The following PRKN variants were observed in gnomAD, a reference collection of about 807,000 sequenced individuals.
PRKN encodes parkin RBR E3 ubiquitin protein ligase.
A neutral mutation model predicts 59.5 loss-of-function variants in PRKN; 56 were observed. The ratio of observed to expected loss-of-function variants is 0.94; its 90% CI spans 0.76 to 1.18. The LOEUF (loss-of-function observed/expected upper bound fraction) is 1.18, where lower values mean the gene tolerates loss of function less well. Ranked by LOEUF, PRKN falls within the 50% of genes most tolerant of loss-of-function variation. The pLI, the probability that PRKN is intolerant of heterozygous loss-of-function variation, is 0.00. For missense variants in PRKN, 657 were observed against 596.4 expected, an observed-to-expected ratio of 1.10 and a Z score of -1.06; for synonymous variants, 250 against 222.1, an observed-to-expected ratio of 1.13 and a Z score of -1.12.
chr6:162,613,935 C>T (rs1782294773), intron 1 of PRKN, among the ~76,000 whole-genome samples: 1 of 152,030 alleles, frequency 6.6e-6, no homozygotes, highest in Admixed American at 6.6e-5. Flanking sequence ...GGTACTGTTG[C>T]AATCACTGAG....
intron 2 of PRKN, among the ~76,000 whole-genome samples, chr6:162,435,450 A>G (rs997830418): frequency 1.3e-5 from 2 of 152,182 alleles, no homozygotes; most frequent in Admixed American, 1.3e-4. Context: ...TTCAAAGAAA[A>G]ATAACATTTC....
rs75730395 is a variant in PRKN at position 162,528,470 on chromosome 6, C to T, written c.8-84997G>A. 9.2e-3 allele frequency among the ~76,000 whole-genome samples: 1,398 copies of T among 152,192 alleles called. 18 individuals carry two copies. The highest frequency in any genetic ancestry group is 0.032 in the African/African-American group (1,318 of 41,536). On this transcript the variant is annotated intron_variant, in intron 1 of 11. Transcript: ENST00000366898. ...CAGAAAATAGTCATTAAACTGCATT[C>T]AAGCCAAGATATAAATTACTTAGAA... is the stretch of plus-strand genomic sequence containing the variant.
chr6:162,488,027 C>CT (rs752587530), intron 1 of PRKN, among the ~76,000 whole-genome samples: 5,013 of 108,854 alleles, frequency 0.046, 52 homozygotes, highest in Admixed American at 0.058. Flanking sequence ...CACCATTTCC[C>CT]TTTTTTTTTT....
chr6:161,563,535 G>T (rs1780531935), intron 8 of PRKN, among the ~76,000 whole-genome samples: 1 of 152,142 alleles, frequency 6.6e-6, no homozygotes, highest in South Asian at 2.1e-4. Context: ...TTGGACTAGG[G>T]GGAAGGAGTG....
intron 6 of PRKN, among the ~76,000 whole-genome samples, chr6:161,935,882 C>G (rs185086665): frequency 6.6e-6 from 1 of 152,222 alleles, no homozygotes; most frequent in East Asian, 1.9e-4. Flanking sequence ...TGACTAACAG[C>G]ACAAACAATA....
chr6:161,364,110 A>C (rs1295314935), intron 10 of PRKN, among the ~76,000 whole-genome samples: 2 of 146,776 alleles, frequency 1.4e-5, no homozygotes, highest in African/African-American at 5.0e-5. Context: ...CTGAGCTTGC[A>C]GTGAGCCGAG....
intron 6 of PRKN, among the ~76,000 whole-genome samples, chr6:161,962,534 T>C (rs76014090): frequency 0.036 from 5,451 of 150,996 alleles, 352 homozygotes; most frequent in African/African-American, 0.13. Context: ...TTCAGGAATG[T>C]AGCACCTTTT....
At chr6:162,185,583 A>G (rs576711999) in intron 4 of PRKN, among the ~76,000 whole-genome samples, 1 of 152,160 alleles carries the variant, frequency 6.6e-6, no homozygotes, top group Non-Finnish European at 1.5e-5. Flanking sequence ...TCCAGGAAAA[A>G]CTAGTGAGTA....
chr6:162,375,743 AC>A (rs1786030444), intron 2 of PRKN, among the ~76,000 whole-genome samples: 1 of 50,164 alleles, frequency 2.0e-5, no homozygotes, highest in African/African-American at 1.8e-4. Flanking sequence ...ATGGCTTTGT[AC>A]ACACACACAC....
intron 7 of PRKN, among the ~76,000 whole-genome samples, chr6:161,756,549 C>T (rs1199482012): frequency 2.0e-5 from 3 of 150,944 alleles, no homozygotes; most frequent in Non-Finnish European, 1.5e-5. Flanking sequence ...CATGACAAGA[C>T]CAAAAGATTT....
chr6:162,568,998 G>A (rs1780202201), intron 1 of PRKN: 2 of 688,450 alleles, frequency 2.9e-6, no homozygotes, highest in Non-Finnish European at 5.3e-6. Context: ...GCTGTATGAA[G>A]AGGAGACCTT....
chr6:162,190,868 AACCCACTGCCCT>A (rs1784249434), intron 4 of PRKN, among the ~76,000 whole-genome samples: 1 of 152,228 alleles, frequency 6.6e-6, no homozygotes, highest in Non-Finnish European at 1.5e-5. Flanking sequence ...CACATAAATT[AACCCACTGCCCT>A]ACAGATGTAG....
At chr6:161,857,224 G>A (rs1332175231) in intron 6 of PRKN, among the ~76,000 whole-genome samples, 13 of 152,104 alleles carry the variant, frequency 8.5e-5, no homozygotes, top group South Asian at 6.2e-4. Flanking sequence ...GTGAGACTCC[G>A]CCTCAAAAAA....
chr6:162,564,695 A>G (rs1012507483), intron 1 of PRKN, among the ~76,000 whole-genome samples: 2 of 152,298 alleles, frequency 1.3e-5, no homozygotes, highest in African/African-American at 4.8e-5. Flanking sequence ...AGAGAATGGC[A>G]TGACATATTT....
intron 4 of PRKN, among the ~76,000 whole-genome samples, chr6:162,200,455 G>A (rs1204522777): frequency 1.3e-5 from 2 of 152,174 alleles, no homozygotes; most frequent in Non-Finnish European, 2.9e-5. Context: ...AATGGGTGGG[G>A]CTGGCTCTCC....
intron 2 of PRKN, among the ~76,000 whole-genome samples, chr6:162,290,880 A>T (rs1329749125): frequency 1.3e-5 from 2 of 152,204 alleles, no homozygotes; most frequent in African/African-American, 4.8e-5. Context: ...GGGATAGGAT[A>T]ACTCTAAAAA....
Position 161,760,970 on chromosome 6 carries a change from T to G in PRKN, c.871+24802A>C, listed in dbSNP as rs1365308121. On this transcript the variant is annotated intron_variant, in intron 7 of 11. Transcript: ENST00000366898. ...GCTGGCCACAATCAATAGAGTGTTT[T>G]TCACTATGCCATGCTTTGAGTATTC... 2.0e-5 allele frequency among the ~76,000 whole-genome samples: 3 copies of G among 152,248 alleles called. No homozygotes were observed. The East Asian group carries it at 5.8e-4, about 29-fold the overall frequency.
intron 3 of PRKN, among the ~76,000 whole-genome samples, chr6:162,206,353 T>C (rs1196498645): frequency 6.6e-6 from 1 of 152,156 alleles, no homozygotes; most frequent in Non-Finnish European, 1.5e-5. Flanking sequence ...TGCAGTCTCA[T>C]CCTCTTCGAA....
chr6:162,349,833 T>G (rs1392516144), intron 2 of PRKN, among the ~76,000 whole-genome samples: 3 of 152,166 alleles, frequency 2.0e-5, no homozygotes, highest in African/African-American at 7.2e-5. Flanking sequence ...AACATTGTAC[T>G]GGAGGTTTTA....
Sources: allele counts gnomAD v4.1 joint callset (sites outside exome capture counted in the v4.1 genomes callset), GRCh38; gene constraint gnomAD v4.1.1; transcripts MANE v1.5; gene names NCBI Gene and HGNC (gene_info 2026-07-23, HGNC 2026-07-21).